Variants in TDRD10 observed in about 807,000 individuals in gnomAD.
TDRD10 encodes the protein tudor domain-containing protein 10.
Under a neutral mutation model 48.0 loss-of-function variants are expected in TDRD10, and 40 were observed. The observed-to-expected ratio is 0.83, with a 90% CI of 0.65 to 1.09. TDRD10 has a LOEUF of 1.09. Among genes scored for constraint, TDRD10 ranks in the 50% least tolerant of loss-of-function variants. TDRD10 has a pLI of 0.00. For missense variants in TDRD10, 378 were observed against 434.7 expected (o/e 0.87, Z 1.16); for synonymous variants, 162 against 170.4 (o/e 0.95, Z 0.38).
At chr1:154,513,950 G>A (rs567256283) in intron 4 of TDRD10, among the ~76,000 whole-genome samples, 3 of 152,320 alleles carry the variant, frequency 2.0e-5, no homozygotes, top group Admixed American at 2.0e-4. Context: ...AGCAGTTTGG[G>A]AGGCCAAGGC....
At chr1:154,543,112 C>CTAAAAA (rs1557836919) in intron 8 of TDRD10, among the ~76,000 whole-genome samples, 1 of 152,054 alleles carries the variant, frequency 6.6e-6, no homozygotes, top group African/African-American at 2.4e-5. Flanking sequence ...CCCATCTCTA[C>CTAAAAA]TAAAAATAAA....
intron 6 of TDRD10, among the ~76,000 whole-genome samples, chr1:154,527,958 A>G: frequency 6.6e-6 from 1 of 152,238 alleles, no homozygotes. Flanking sequence ...CCCCAGTGGT[A>G]ACATCTTACA....
intron 1 of TDRD10, among the ~76,000 whole-genome samples, chr1:154,504,687 T>G (rs1693045473): frequency 6.6e-6 from 1 of 152,242 alleles, no homozygotes; most frequent in South Asian, 2.1e-4. Flanking sequence ...GAGAAATGTC[T>G]AGCAGATCCT....
At chr1:154,541,862 A>T (rs4845648) in intron 6 of TDRD10, 162 bp from the exon 7 acceptor site, 89,743 of 620,700 alleles carry the variant, frequency 0.14, 7,239 homozygotes, top group Middle Eastern at 0.18. Flanking sequence ...TGCCGTGAGG[A>T]TGGAGAGAGT....
chr1:154,542,903 G>T, intron 8 of TDRD10, 82 bp downstream of exon 8: 1 of 1,175,930 alleles, frequency 8.5e-7, no homozygotes. Context: ...GACAAGGATA[G>T]TACTGGGGTG....
chr1:154,541,969 A>G lies in TDRD10; in HGVS notation c.370-55A>G, dbSNP rs1244894394. On this transcript the variant is annotated intron_variant, in intron 6 of 12. Transcript: ENST00000368482. ...CTACCTGGAGTGATTCAACATAGAAATCAATAAAACAAATGCCACCATGGC... is the reference window on the plus strand; with the variant it reads ...CTACCTGGAGTGATTCAACATAGAAGTCAATAAAACAAATGCCACCATGGC... The G allele has an allele frequency of 3.8e-6, 6 of 1,583,106 alleles. No homozygotes were observed. The South Asian group carries it at 5.6e-5, about 15-fold the overall frequency.
intron 9 of TDRD10, 72 bp downstream of exon 9, chr1:154,544,182 A>G (rs1695417558): frequency 6.2e-7 from 1 of 1,606,582 alleles, no homozygotes; most frequent in East Asian, 2.2e-5. Flanking sequence ...GGGCATGGTG[A>G]CGGGGCCGGT....
chr1:154,519,021 C>G (rs141876619), intron 4 of TDRD10, among the ~76,000 whole-genome samples: 267 of 152,282 alleles, frequency 1.8e-3, no homozygotes, highest in African/African-American at 6.2e-3. Context: ...TCTAAATTGG[C>G]TATATAGCCA....
intron 1 of TDRD10, among the ~76,000 whole-genome samples, chr1:154,506,076 CG>C (rs1318170243): frequency 1.3e-5 from 2 of 152,152 alleles, no homozygotes; most frequent in Admixed American, 6.5e-5. Flanking sequence ...TATTAGTTTT[CG>C]ATTTGCTTTC....
At chr1:154,528,773 A>AC (rs59519510) in intron 6 of TDRD10, among the ~76,000 whole-genome samples, 119,164 of 151,740 alleles carry the variant, frequency 0.79, 47,514 homozygotes, top group East Asian at 0.92. Context: ...CTGAGATTGC[A>AC]CCACTGCAGG....
chr1:154,542,473 C>T (rs1695297570), intron 7 of TDRD10, among the ~76,000 whole-genome samples: 1 of 152,208 alleles, frequency 6.6e-6, no homozygotes, highest in African/African-American at 2.4e-5. Context: ...AGTGATCCTT[C>T]CACCTCAGCC....
intron 4 of TDRD10, among the ~76,000 whole-genome samples, chr1:154,513,200 C>G (rs1375252888): frequency 6.6e-6 from 1 of 152,118 alleles, no homozygotes; most frequent in Non-Finnish European, 1.5e-5. Flanking sequence ...TTAAAATTCA[C>G]CAATGATTTT....
intron 1 of TDRD10, 28 bp from the exon 2 acceptor site, chr1:154,506,849 C>T (rs1693179251): frequency 6.3e-6 from 10 of 1,597,178 alleles, no homozygotes; most frequent in Non-Finnish European, 3.4e-6. Flanking sequence ...CCTGGCATTC[C>T]TCTAACTGTG....
intron 1 of TDRD10, among the ~76,000 whole-genome samples, chr1:154,503,308 C>G (rs1692918577): frequency 6.6e-6 from 1 of 152,194 alleles, no homozygotes; most frequent in Non-Finnish European, 1.5e-5. Flanking sequence ...CTTTCTGAGG[C>G]CGGGCGCGGT....
In TDRD10 at chr1:154,506,864, G is replaced by A; in HGVS notation, c.-27-13G>A. ...CCTGGCATTCCTCTAACTGTGGCCGGTTGGTTTTGTAGGAGATCCTGTTGG... is the reference window on the plus strand; with the variant it reads ...CCTGGCATTCCTCTAACTGTGGCCGATTGGTTTTGTAGGAGATCCTGTTGG... On this transcript the variant is annotated splice_polypyrimidine_tract_variant and intron_variant, in intron 1 of 12. Coordinates refer to ENST00000368482, the MANE Select transcript of TDRD10 (RefSeq NM_182499.4). 6.2e-7 allele frequency: 1 copy of A among 1,611,746 alleles called. No homozygotes were observed. Among genetic ancestry groups the A allele is most frequent in the Non-Finnish European group, 8.5e-7 (1 of 1,177,814 alleles).
intron 6 of TDRD10, among the ~76,000 whole-genome samples, chr1:154,538,854 C>T (rs937735247): frequency 8.1e-5 from 9 of 111,168 alleles, no homozygotes; most frequent in Middle Eastern, 4.3e-3. Context: ...CTCCATCTCA[C>T]GGTGCTTTGT....
intron 1 of TDRD10, among the ~76,000 whole-genome samples, 164 bp downstream of exon 1, chr1:154,503,193 T>A (rs989861635): frequency 6.6e-6 from 1 of 151,618 alleles, no homozygotes; most frequent in Non-Finnish European, 1.5e-5. Context: ...GCGGCCCTCC[T>A]AGTCTGGATT....
intron 8 of TDRD10, 57 bp from the exon 9 acceptor site, chr1:154,543,906 C>T: frequency 6.2e-7 from 1 of 1,600,830 alleles, no homozygotes; most frequent in Non-Finnish European, 8.5e-7. Flanking sequence ...TCCAGTCGTT[C>T]CTTTCCTTGC....
intron 6 of TDRD10, among the ~76,000 whole-genome samples, chr1:154,528,037 T>C (rs1288139420): frequency 2.0e-5 from 3 of 152,168 alleles, no homozygotes; most frequent in Non-Finnish European, 2.9e-5. Flanking sequence ...TTTTGTCTTT[T>C]GTTTGTTCTA....
Sources: gnomAD v4.1 joint callset for allele counts (sites outside exome capture counted in the v4.1 genomes callset) on GRCh38, gnomAD v4.1.1 for gene constraint, MANE v1.5 for transcripts, NCBI Gene and HGNC (gene_info 2026-07-23, HGNC 2026-07-21) for gene names.